Variants in GRIK4 observed in about 807,000 individuals in gnomAD.
GRIK4 encodes glutamate ionotropic receptor kainate type subunit 4, also known as glutamate receptor ionotropic, kainate 4.
Under a neutral mutation model 104.9 loss-of-function variants are expected in GRIK4, and 40 were observed. The observed-to-expected ratio is 0.38, with a 90% CI of 0.30 to 0.50. The LOEUF is 0.50. Ranked by LOEUF, GRIK4 falls within the 20% of genes least tolerant of loss-of-function variation. The pLI, the probability that GRIK4 is intolerant of heterozygous loss-of-function variation, is 0.93. For missense variants in GRIK4, 1,047 were observed against 1,308.1 expected, an observed-to-expected ratio of 0.80 and a Z score of 3.08; for synonymous variants, 485 against 524.9, an observed-to-expected ratio of 0.92 and a Z score of 1.04.
At chr11:120,521,506 GA>G (rs1947796817) in intron 1 of GRIK4, among the ~76,000 whole-genome samples, 1 of 152,164 alleles carries the variant, frequency 6.6e-6, no homozygotes, top group Non-Finnish European at 1.5e-5. Context: ...TATTGTCCCA[GA>G]CTCTCAGAAT....
chr11:120,777,888 G>A (rs978566685), intron 3 of GRIK4, among the ~76,000 whole-genome samples: 1 of 151,344 alleles, frequency 6.6e-6, no homozygotes, highest in African/African-American at 2.4e-5. Flanking sequence ...AATGAGTTGA[G>A]GTAGCACCAC....
chr11:120,741,514 G>A (rs3018284), intron 3 of GRIK4, among the ~76,000 whole-genome samples: 1 of 151,670 alleles, frequency 6.6e-6, no homozygotes, highest in African/African-American at 2.4e-5. Context: ...TCTTGACCTC[G>A]TGATCCGCCC....
intron 1 of GRIK4, among the ~76,000 whole-genome samples, chr11:120,583,205 G>GT (rs1160118820): frequency 8.6e-5 from 13 of 152,002 alleles, no homozygotes; most frequent in African/African-American, 2.9e-4. Context: ...AGGTTGTTTG[G>GT]TTTTTGCTTG....
chr11:120,896,009 C>T (rs933164460), intron 11 of GRIK4, among the ~76,000 whole-genome samples: 11 of 152,198 alleles, frequency 7.2e-5, no homozygotes, highest in Non-Finnish European at 1.5e-4. Context: ...AAGTGCCTTC[C>T]GCCCTAGCCT....
At chr11:120,912,857 AAGG>A (rs1200545849) in intron 13 of GRIK4, among the ~76,000 whole-genome samples, 3 of 152,190 alleles carry the variant, frequency 2.0e-5, no homozygotes, top group Non-Finnish European at 4.4e-5. Context: ...GTGTCAGTAA[AAGG>A]TAGGCGGGAT....
At chr11:120,815,924 T>C (rs940645364) in intron 5 of GRIK4, among the ~76,000 whole-genome samples, 3 of 152,182 alleles carry the variant, frequency 2.0e-5, no homozygotes, top group African/African-American at 7.2e-5. Flanking sequence ...ATTTTATTGC[T>C]AAAATAAAGT....
chr11:120,975,883 C>T (rs1248123719), intron 19 of GRIK4, among the ~76,000 whole-genome samples: 3 of 152,146 alleles, frequency 2.0e-5, no homozygotes, highest in Non-Finnish European at 4.4e-5. Flanking sequence ...TTACCTAACT[C>T]CTCTGCACCT....
At chr11:120,715,239 G>A (rs944222567) in intron 3 of GRIK4, among the ~76,000 whole-genome samples, 1 of 152,168 alleles carries the variant, frequency 6.6e-6, no homozygotes, top group Non-Finnish European at 1.5e-5. Flanking sequence ...ATCAAGGGAG[G>A]GAGAAGGGGC....
intron 3 of GRIK4, among the ~76,000 whole-genome samples, chr11:120,668,322 A>G (rs866660398): frequency 1.1e-4 from 16 of 151,886 alleles, no homozygotes; most frequent in African/African-American, 2.9e-4. Flanking sequence ...GAAGAAAGGA[A>G]GGAAGGAAAG....
chr11:120,935,644 A>G (rs145500299), intron 13 of GRIK4, among the ~76,000 whole-genome samples: 2 of 152,342 alleles, frequency 1.3e-5, no homozygotes, highest in Admixed American at 6.5e-5. Flanking sequence ...TGTTGTTGCA[A>G]TTACAGAGTG....
chr11:120,936,256 G>GT (rs1365446839), intron 13 of GRIK4: 1 of 497,640 alleles, frequency 2.0e-6, no homozygotes, highest in East Asian at 5.7e-5. Flanking sequence ...CTGCCGCCGT[G>GT]TTAGTCCACA....
intron 1 of GRIK4, among the ~76,000 whole-genome samples, chr11:120,636,855 G>A (rs6589822): frequency 0.61 from 92,601 of 151,150 alleles, 30,042 homozygotes; most frequent in African/African-American, 0.84. Context: ...AAAAAGAAAG[G>A]AAGGAAGAGT....
rs376343475 is a variant in GRIK4 at position 120,952,182 on chromosome 11, C to T, written c.1591-673C>T. Among the ~76,000 whole-genome samples, 3 of 152,208 alleles carry T rather than the reference C, an allele frequency of 2.0e-5. No individual in the cohort carries two copies. Among genetic ancestry groups the T allele is most frequent in the East Asian group, 3.9e-4 (2 of 5,192 alleles). On this transcript the variant is annotated intron_variant, in intron 14 of 20. Coordinates refer to ENST00000527524, the MANE Select transcript of GRIK4 (RefSeq NM_014619.5). The surrounding 1 kb of genome is among the most constrained non-coding windows in gnomAD (Gnocchi z 5.2). ...ATCCCTGGCCTTGCAACGTGTTTTC[C>T]CACGGTGCAGTGGAGTGAGCCCTGG... is the stretch of plus-strand genomic sequence containing the variant.
intron 1 of GRIK4, among the ~76,000 whole-genome samples, chr11:120,633,716 A>G (rs1056363838): frequency 6.6e-6 from 1 of 152,184 alleles, no homozygotes; most frequent in African/African-American, 2.4e-5. Flanking sequence ...AAGGCCCCTG[A>G]GCAGGGAGAG....
chr11:120,923,083 T>G (rs1425801420), intron 13 of GRIK4, among the ~76,000 whole-genome samples: 1 of 152,200 alleles, frequency 6.6e-6, no homozygotes, highest in Non-Finnish European at 1.5e-5. Flanking sequence ...CCTGGCTGGC[T>G]GTCAGAGGGT....
At chr11:120,768,770 A>G (rs1238659600) in intron 3 of GRIK4, among the ~76,000 whole-genome samples, 1 of 152,162 alleles carries the variant, frequency 6.6e-6, no homozygotes, top group African/African-American at 2.4e-5. Context: ...AACTTTGTTA[A>G]ATGTTTTTCT....
chr11:120,824,537 C>CTTTTTTTTTT (rs967209826), intron 6 of GRIK4, among the ~76,000 whole-genome samples: 2 of 141,838 alleles, frequency 1.4e-5, no homozygotes, highest in Non-Finnish European at 3.1e-5. Flanking sequence ...TTTTTTCCTT[C>CTTTTTTTTTT]TTTTTTTTTT....
intron 8 of GRIK4, 89 bp from the exon 9 acceptor site, chr11:120,861,870 T>C (rs1954274210): frequency 1.0e-6 from 1 of 968,118 alleles, no homozygotes; most frequent in Non-Finnish European, 1.6e-6. Context: ...TGGACTAGAA[T>C]GTGGTACCCA....
intron 3 of GRIK4, among the ~76,000 whole-genome samples, chr11:120,669,948 T>G (rs1949986867): frequency 6.6e-6 from 1 of 152,244 alleles, no homozygotes; most frequent in Admixed American, 6.5e-5. Context: ...GAAACTCAGA[T>G]TTGCCATGTC....
Sources: gnomAD v4.1 joint callset for allele counts (sites outside exome capture counted in the v4.1 genomes callset) on GRCh38, gnomAD v4.1.1 for gene constraint, Gnocchi (gnomAD v3.1) non-coding constraint, MANE v1.5 for transcripts, NCBI Gene and HGNC (gene_info 2026-07-23, HGNC 2026-07-21) for gene names.